Variants in ZFHX2 observed in about 807,000 individuals in gnomAD.
The protein encoded by ZFHX2 is zinc finger homeobox 2.
ZFHX2 carries 75 observed loss-of-function variants against 164.8 expected under a neutral mutation model. That is an observed-to-expected ratio of 0.46 (90% CI 0.38 to 0.55). ZFHX2 has a LOEUF of 0.55. Ranked by LOEUF, ZFHX2 falls within the 20% of genes least tolerant of loss-of-function variation. The pLI is 0.00. For synonymous variants in ZFHX2, 1,217 were observed against 1,351.4 expected (o/e 0.90, Z 2.18); for missense variants, 2,933 against 3,308.0 (o/e 0.89, Z 2.78).
At chr14:23,545,070 C>T (rs917630840) in intron 1 of ZFHX2, among the ~76,000 whole-genome samples, 1 of 152,112 alleles carries the variant, frequency 6.6e-6, no homozygotes, top group Admixed American at 6.5e-5. Context: ...CTCCACATTG[C>T]CATTTCTCCA....
At chr14:23,529,577 G>T in intron 6 of ZFHX2, 133 bp downstream of exon 6, 2 of 938,100 alleles carry the variant, frequency 2.1e-6, no homozygotes, top group Non-Finnish European at 3.3e-6. Flanking sequence ...GATCTGGGTG[G>T]AATTTCTTAA....
At position 23,535,092 on chromosome 14, in the gene ZFHX2, T is replaced by A; in HGVS notation, c.234A>T (p.Glu78Asp). Residue 78 changes from glutamate (E) to aspartate (D), a missense_variant, in exon 2 of 10, where the codon GAA becomes GAT. Physicochemically the swap from Glu to Asp is conservative, Grantham distance 45. Coordinates refer to ENST00000419474, the MANE Select transcript of ZFHX2 (RefSeq NM_033400.3). The surrounding 1 kb of genome is among the most constrained non-coding windows in gnomAD (Gnocchi z 4.5). ...GTGGGAAGTGACCACAGTCAGGCCCTTCCTGGGGCTCCCCAATCTCCTTTG... is the reference window on the plus strand; with the variant it reads ...GTGGGAAGTGACCACAGTCAGGCCCATCCTGGGGCTCCCCAATCTCCTTTG... ...VPPKEIGEPQ[E>D]GPDCGHFPPN... The A allele has an allele frequency of 6.5e-7, 1 of 1,536,212 alleles. No individual in the cohort carries two copies. Among genetic ancestry groups the A allele is most frequent in the Non-Finnish European group, 8.7e-7 (1 of 1,146,910 alleles).
At chr14:23,528,790 C>T (rs966908755) in intron 6 of ZFHX2, 3 of 985,446 alleles carry the variant, frequency 3.0e-6, no homozygotes, top group Middle Eastern at 5.2e-4. Flanking sequence ...ACATTCTCAG[C>T]CACACTTCCA....
chr14:23,531,311 G>A lies in ZFHX2; in HGVS notation c.2800+170C>T, dbSNP rs1879519947. ...CTCCACTCAAGGTAGCCTCCACAGT[G>A]CCTGACACGCTCATTCTGTCTTATC... On this transcript the variant is annotated intron_variant, in intron 4 of 9. Transcript: ENST00000419474. 3.9e-6 allele frequency: 4 copies of A among 1,026,094 alleles called. No individual in the cohort carries two copies. The South Asian group carries it at 1.6e-4, about 40-fold the overall frequency. 63.6% of individuals were successfully genotyped at this position (1,026,094 alleles called of 1,614,324 possible). A position where few individuals can be genotyped will look rare whatever the true frequency, so the allele number is the denominator to read the frequency against.
chr14:23,537,242 C>G (rs1202075275), intron 1 of ZFHX2, among the ~76,000 whole-genome samples: 3 of 147,492 alleles, frequency 2.0e-5, no homozygotes, highest in African/African-American at 7.5e-5. Context: ...TTTTTTTTTT[C>G]TAAATCAGGA....
At position 23,534,840 on chromosome 14, in the gene ZFHX2, G is replaced by T. The variant is rs1879975733; in HGVS notation, c.486C>A (p.Pro162=). Residue 162 remains proline (P), a synonymous_variant, in exon 2 of 10, where the codon CCC becomes CCA. Coordinates refer to ENST00000419474, the MANE Select transcript of ZFHX2 (RefSeq NM_033400.3). This position sits in a 1 kb window ranked among gnomAD's most constrained non-coding sequence, Gnocchi z 4.5. ...TGTGAAGGGCAGTGAGGTGTGAGGG[G>T]GGTGGGTAGGCAAGGAAGGGCAGAC... ...EPSLPFLAYP[P]PSHLTALHIQ... 4 of 1,536,162 alleles carry T rather than the reference G, an allele frequency of 2.6e-6. No individual in the cohort carries two copies. Among genetic ancestry groups the T allele is most frequent in the Admixed American group, 3.9e-5 (2 of 51,004 alleles).
At position 23,535,357 on chromosome 14, in the gene ZFHX2, A is replaced by G. The variant is rs1346694523; in HGVS notation, c.-32T>C. The stretch of plus-strand genomic sequence containing the variant: ...CGGAGGAGTGCTGGGGGCTCATGTC[A>G]GCGTGACAGCCAGTACCCTGTAGGG... On this transcript the variant is annotated 5_prime_UTR_variant, in exon 2 of 10. Coordinates refer to ENST00000419474, the MANE Select transcript of ZFHX2 (RefSeq NM_033400.3). This position sits in a 1 kb window ranked among gnomAD's most constrained non-coding sequence, Gnocchi z 4.5. 5 of 1,440,814 alleles carry G rather than the reference A, an allele frequency of 3.5e-6. No homozygotes were observed. In the East Asian group the frequency reaches 1.3e-4, roughly 36 times the overall value. 89.3% of individuals were successfully genotyped at this position (1,440,814 alleles called of 1,614,324 possible).
At position 23,524,138 on chromosome 14, in the gene ZFHX2, G is replaced by A; in HGVS notation, c.5804C>T (p.Ala1935Val). Residue 1935 changes from alanine to valine, a missense_variant, in exon 9 of 10, where the codon GCC becomes GTC. Coordinates refer to ENST00000419474, the MANE Select transcript of ZFHX2 (RefSeq NM_033400.3). The surrounding 1 kb of genome is among the most constrained non-coding windows in gnomAD (Gnocchi z 5.6). ...PSPAVKPPAT[A>V]TPASLPKFNL... ...GAACTTGGGCAAGGATGCAGGGGTG[G>A]CTGTGGCAGGCGGTTTCACTGCTGG... The A allele has an allele frequency of 1.3e-6, 2 of 1,536,024 alleles. No individual in the cohort carries two copies. Among genetic ancestry groups the A allele is most frequent in the South Asian group, 1.2e-5 (1 of 84,058 alleles).
rs1878383575 is a variant in ZFHX2, at chr14:23,524,024, A to G, written c.5918T>C (p.Leu1973Pro). Residue 1973 changes from leucine (L) to proline (P), a missense_variant, in exon 9 of 10, where the codon CTT becomes CCT. Leu to Pro is a moderately conservative substitution (Grantham distance 98). Coordinates refer to ENST00000419474, the MANE Select transcript of ZFHX2 (RefSeq NM_033400.3). The surrounding 1 kb of genome is among the most constrained non-coding windows in gnomAD (Gnocchi z 5.6). The stretch of plus-strand genomic sequence containing the variant: ...TAGGAAAGGCTGGGGCCCAGAAGCA[A>G]GCGTGGCAGTGGGGTAGGGAAAAGC... ...APAFPYPTAT[L>P]ASGPQPFLPP... The G allele has an allele frequency of 2.0e-6, 3 of 1,515,562 alleles. No homozygotes were observed. Among genetic ancestry groups the G allele is most frequent in the African/African-American group, 1.4e-5 (1 of 72,316 alleles). The allele number at this position is 1,515,562 out of a possible 1,614,324, so 93.9% of individuals were successfully genotyped here. A position where few individuals can be genotyped will look rare whatever the true frequency, so the allele number is the denominator to read the frequency against.
In ZFHX2 at chr14:23,534,258, G is replaced by T; in HGVS notation, c.1068C>A (p.Ser356Arg). The T allele has an allele frequency of 6.5e-7, 1 of 1,528,820 alleles. No individual in the cohort carries two copies. The highest frequency in any genetic ancestry group is 1.4e-5 in the African/African-American group (1 of 72,962). The allele number at this position is 1,528,820 out of a possible 1,614,324, so 94.7% of individuals were successfully genotyped here. A position where few individuals can be genotyped will look rare whatever the true frequency, so the allele number is the denominator to read the frequency against. Residue 356 changes from serine to arginine, a missense_variant, in exon 2 of 10, where the codon AGC becomes AGA. Transcript: ENST00000419474. The surrounding 1 kb of genome is among the most constrained non-coding windows in gnomAD (Gnocchi z 4.5). ...PSPPTATWDP[S>R]PTQAKESPVA... Reference sequence around the variant, plus strand: ...CTGGCGATTCTTTGGCTTGGGTTGGGCTGGGGTCCCAGGTGGCTGTGGGTG... The same window carrying T: ...CTGGCGATTCTTTGGCTTGGGTTGGTCTGGGGTCCCAGGTGGCTGTGGGTG...
At chr14:23,552,652 A>G (rs1053615336), upstream of ZFHX2, among the ~76,000 whole-genome samples, 1 of 151,764 alleles carries the variant, frequency 6.6e-6, no homozygotes, top group Non-Finnish European at 1.5e-5. Flanking sequence ...CCCAGGCTGC[A>G]GTGCAGTGGC....
Position 23,522,448 on chromosome 14 carries a change from T to C in ZFHX2, c.7233A>G (p.Thr2411=). The C allele has an allele frequency of 6.5e-7, 1 of 1,536,262 alleles. No individual in the cohort carries two copies. Among genetic ancestry groups the C allele is most frequent in the Non-Finnish European group, 8.7e-7 (1 of 1,146,822 alleles). ...CAGGAGGCTTTGGAGGTGCTGTGGC[T>C]GTGGGCTCAGGGGGCTGGGGTGGCG... is the stretch of plus-strand genomic sequence containing the variant. ...LQPPPQPPEP[T]ATAPPKPPEL... The change falls in exon 10 of 10, where the codon ACA becomes ACG. Residue 2411 remains threonine, a synonymous_variant. Transcript: ENST00000419474.
intron 6 of ZFHX2, chr14:23,528,502 C>G: frequency 1.4e-6 from 1 of 727,576 alleles, no homozygotes; most frequent in Non-Finnish European, 1.7e-6. Flanking sequence ...CTTCTCTTAC[C>G]TATCCTATCC....
At chr14:23,541,540 C>G (rs958642514) in intron 1 of ZFHX2, among the ~76,000 whole-genome samples, 26 of 151,658 alleles carry the variant, frequency 1.7e-4, no homozygotes, top group Admixed American at 7.9e-4. Flanking sequence ...GCCCACCTCG[C>G]CCTCCCAAAG....
Position 23,523,968 on chromosome 14 carries a change from G to T in ZFHX2, c.5974C>A (p.Pro1992Thr), listed in dbSNP as rs1475167317. 2 of 1,532,172 alleles carry T rather than the reference G, an allele frequency of 1.3e-6. No homozygotes were observed. Among genetic ancestry groups the T allele is most frequent in the East Asian group, 4.9e-5 (2 of 40,820 alleles). The allele number at this position is 1,532,172 out of a possible 1,614,324, so 94.9% of individuals were successfully genotyped here. The change falls in exon 9 of 10, where the codon CCA becomes ACA. Residue 1992 changes from proline to threonine, a missense_variant. By Grantham distance (38) the Pro-to-Thr change is conservative. Coordinates refer to ENST00000419474, the MANE Select transcript of ZFHX2 (RefSeq NM_033400.3). This position sits in a 1 kb window ranked among gnomAD's most constrained non-coding sequence, Gnocchi z 4.1. Reference sequence around the variant, plus strand: ...GGTAGGAGAGGTAGAGGTGGCTCTGGTGTTGGGGTGGTGGCCTCTTTCCCA... The same window carrying T: ...GGTAGGAGAGGTAGAGGTGGCTCTGTTGTTGGGGTGGTGGCCTCTTTCCCA... ...PPGKEATTPT[P>T]EPPLPLLPPP...
chr14:23,545,469 C>T (rs2138894892), intron 1 of ZFHX2, among the ~76,000 whole-genome samples: 1 of 152,320 alleles, frequency 6.6e-6, no homozygotes, highest in Admixed American at 6.5e-5. Flanking sequence ...TCTCTCTGTG[C>T]TCTCTCCCAT....
chr14:23,528,911 G>A (rs2138728142), intron 6 of ZFHX2: 3 of 848,866 alleles, frequency 3.5e-6, no homozygotes, highest in Non-Finnish European at 4.3e-6. Flanking sequence ...GGGGATGACT[G>A]TAAAGGAAGG....
At position 23,525,389 on chromosome 14, in the gene ZFHX2, T is replaced by C. The variant is rs1017660560; in HGVS notation, c.4553A>G (p.Gln1518Arg). 1 of 1,536,076 alleles carries C rather than the reference T, an allele frequency of 6.5e-7. No individual in the cohort carries two copies. Among genetic ancestry groups the C allele is most frequent in the African/African-American group, 1.4e-5 (1 of 73,138 alleles). The change falls in exon 9 of 10, where the codon CAG becomes CGG. Residue 1518 changes from glutamine to arginine, a missense_variant. Gln to Arg is a conservative substitution (Grantham distance 43). Coordinates refer to ENST00000419474, the MANE Select transcript of ZFHX2 (RefSeq NM_033400.3). This position sits in a 1 kb window ranked among gnomAD's most constrained non-coding sequence, Gnocchi z 5.9. ...PFEALSRYAAQFRKSYDSLYP... is the reference protein window; with the variant it reads ...PFEALSRYAARFRKSYDSLYP... ...TAGGCTGTCATAGCTCTTTCGAAAC[T>C]GAGCAGCATAACGGCTCAGGGCTTC... is the stretch of plus-strand genomic sequence containing the variant.
At chr14:23,527,309 C>T (rs1024010569) in intron 7 of ZFHX2, among the ~76,000 whole-genome samples, 1 of 152,224 alleles carries the variant, frequency 6.6e-6, no homozygotes, top group Non-Finnish European at 1.5e-5. Context: ...TAAGTAGAGG[C>T]AGCTAGACAA....
Sources: gnomAD v4.1 joint callset for allele counts (sites outside exome capture counted in the v4.1 genomes callset) on GRCh38, gnomAD v4.1.1 for gene constraint, Gnocchi (gnomAD v3.1) non-coding constraint, MANE v1.5 for transcripts, NCBI Gene and HGNC (gene_info 2026-07-23, HGNC 2026-07-21) for gene names.